RPH3A: variants seen among roughly 807,000 people sequenced by gnomAD.
The protein encoded by RPH3A is rabphilin 3A.
In RPH3A, 48 loss-of-function variants were observed where a neutral mutation model predicts 102.2. The ratio of observed to expected loss-of-function variants is 0.47; its 90% CI spans 0.37 to 0.60. The LOEUF is 0.60. RPH3A is among the 20% of genes least tolerant of loss of function. The probability of loss-of-function intolerance (pLI) is 0.00; values close to 1 mark genes in which losing one functional copy is unlikely to be tolerated. For synonymous variants in RPH3A, 310 were observed against 324.3 expected (o/e 0.96, Z 0.47); for missense variants, 781 against 910.1 (o/e 0.86, Z 1.83).
chr12:112,581,811 C>G (rs191596449), intron 1 of RPH3A, among the ~76,000 whole-genome samples: 1 of 148,258 alleles, frequency 6.7e-6, no homozygotes, highest in Non-Finnish European at 1.5e-5. Context: ...TGAAGACACA[C>G]GGGTTCAGTC....
At chr12:112,713,810 T>C (rs919551241) in intron 1 of RPH3A, among the ~76,000 whole-genome samples, 1 of 152,186 alleles carries the variant, frequency 6.6e-6, no homozygotes, top group African/African-American at 2.4e-5. Flanking sequence ...ATCAGTTTTG[T>C]TCTTTGTTTC....
chr12:112,670,214 G>A lies in RPH3A; in HGVS notation c.-140+94895G>A, dbSNP rs565208747. Among the ~76,000 whole-genome samples, 6 of 152,192 alleles carry A rather than the reference G, an allele frequency of 3.9e-5. No homozygotes were observed. In the South Asian group the frequency reaches 1.2e-3, roughly 32 times the overall value. ...TGTTTTTTCTCTGAGATGGAGTCTCGCCTTGTCGCCCAGGCTGGAGTGCAG... is the reference window on the plus strand; with the variant it reads ...TGTTTTTTCTCTGAGATGGAGTCTCACCTTGTCGCCCAGGCTGGAGTGCAG... On this transcript the variant is annotated intron_variant, in intron 1 of 21. Transcript: ENST00000543106.
chr12:112,635,483 A>G (rs2039841904), intron 1 of RPH3A, among the ~76,000 whole-genome samples: 1 of 152,060 alleles, frequency 6.6e-6, no homozygotes, highest in Non-Finnish European at 1.5e-5. Context: ...TTTGCTTAGA[A>G]TAGTGCCTGA....
chr12:112,685,023 C>G (rs972031169), intron 1 of RPH3A, among the ~76,000 whole-genome samples: 2 of 152,168 alleles, frequency 1.3e-5, no homozygotes, highest in Non-Finnish European at 2.9e-5. Context: ...ATGGCCCAGG[C>G]TCATGCAATC....
chr12:112,787,482 T>C (rs1319533189), upstream of RPH3A, among the ~76,000 whole-genome samples: 1 of 152,146 alleles, frequency 6.6e-6, no homozygotes, highest in African/African-American at 2.4e-5. Context: ...AATGGGTAAA[T>C]AGCACAACAC....
chr12:112,724,763 GT>G (rs929370657), intron 1 of RPH3A, among the ~76,000 whole-genome samples: 39 of 152,292 alleles, frequency 2.6e-4, no homozygotes, highest in South Asian at 2.1e-3. Flanking sequence ...GAGCTCAGGA[GT>G]TCAAGACCAG....
chr12:112,640,276 G>C (rs1181158530), intron 1 of RPH3A, among the ~76,000 whole-genome samples: 1 of 125,946 alleles, frequency 7.9e-6, no homozygotes, highest in Non-Finnish European at 1.6e-5. Context: ...AGTGAACCGA[G>C]ATAGCACCAT....
intron 5 of RPH3A, among the ~76,000 whole-genome samples, chr12:112,848,815 G>A (rs1020039914): frequency 6.6e-6 from 1 of 152,088 alleles, no homozygotes; most frequent in Non-Finnish European, 1.5e-5. Context: ...CTGGGGGACT[G>A]GGGAAAATGT....
intron 5 of RPH3A, among the ~76,000 whole-genome samples, chr12:112,856,192 G>T (rs890739616): frequency 4.6e-5 from 7 of 152,122 alleles, no homozygotes; most frequent in Non-Finnish European, 8.8e-5. Context: ...ACCACATGAA[G>T]CCTACTTTCT....
intron 1 of RPH3A, among the ~76,000 whole-genome samples, chr12:112,714,257 C>T (rs1051452192): frequency 1.3e-5 from 2 of 152,090 alleles, no homozygotes; most frequent in African/African-American, 2.4e-5. Context: ...CTAGTCACAG[C>T]AGTGCATCTT....
At chr12:112,758,192 T>C (rs1229353200) in intron 1 of RPH3A, among the ~76,000 whole-genome samples, 1 of 152,176 alleles carries the variant, frequency 6.6e-6, no homozygotes, top group Non-Finnish European at 1.5e-5. Flanking sequence ...TCGTGGATAT[T>C]CCTGCCTCTA....
intron 17 of RPH3A, among the ~76,000 whole-genome samples, chr12:112,888,297 C>T (rs1405922485): frequency 1.3e-5 from 2 of 152,232 alleles, no homozygotes; most frequent in Non-Finnish European, 2.9e-5. Context: ...GGTGTTATAA[C>T]AGTACCTGCC....
chr12:112,653,991 T>A (rs1316753746), intron 1 of RPH3A, among the ~76,000 whole-genome samples: 1 of 152,214 alleles, frequency 6.6e-6, no homozygotes, highest in Admixed American at 6.5e-5. Context: ...ATACACTGTA[T>A]TAGCTGTATT....
intron 12 of RPH3A, among the ~76,000 whole-genome samples, 196 bp downstream of exon 12, chr12:112,875,937 T>C (rs886890339): frequency 1.3e-5 from 2 of 152,200 alleles, no homozygotes; most frequent in Non-Finnish European, 2.9e-5. Flanking sequence ...CCAACACATA[T>C]AGTTTAGAGC....
chr12:112,809,971 T>A (rs1320576835), intron 2 of RPH3A, among the ~76,000 whole-genome samples: 1 of 152,168 alleles, frequency 6.6e-6, no homozygotes, highest in Non-Finnish European at 1.5e-5. Flanking sequence ...TTCTATATGA[T>A]AAGAGCTTGG....
chr12:112,676,460 G>A (rs929242187), intron 1 of RPH3A, among the ~76,000 whole-genome samples: 2 of 152,192 alleles, frequency 1.3e-5, no homozygotes, highest in South Asian at 4.1e-4. Context: ...CTCCCCAGCA[G>A]GGTTAAACTC....
chr12:112,608,119 C>CTT (rs529911758), intron 1 of RPH3A, among the ~76,000 whole-genome samples: 2 of 142,816 alleles, frequency 1.4e-5, no homozygotes, highest in Non-Finnish European at 3.1e-5. Flanking sequence ...CTTTCTTTTT[C>CTT]TTTTTTTTTT....
At chr12:112,870,328 A>G (rs1311203048) in intron 10 of RPH3A, among the ~76,000 whole-genome samples, 1 of 151,538 alleles carries the variant, frequency 6.6e-6, no homozygotes, top group East Asian at 1.9e-4. Context: ...AAAAAAAAAA[A>G]ACCCTGGGGG....
At chr12:112,657,965 C>T (rs2040024346) in intron 1 of RPH3A, among the ~76,000 whole-genome samples, 1 of 151,982 alleles carries the variant, frequency 6.6e-6, no homozygotes. Flanking sequence ...AGGTGGGTGC[C>T]TCCCTGCTGT....
Sources: gnomAD v4.1 joint callset for allele counts (sites outside exome capture counted in the v4.1 genomes callset) on GRCh38, gnomAD v4.1.1 for gene constraint, MANE v1.5 for transcripts, NCBI Gene and HGNC (gene_info 2026-07-23, HGNC 2026-07-21) for gene names.